Variants in FKBP5 observed in about 807,000 individuals in gnomAD.
FKBP5 encodes the protein peptidyl-prolyl cis-trans isomerase FKBP5.
In FKBP5, 23 loss-of-function variants were observed where a neutral mutation model predicts 50.5. The observed-to-expected ratio is 0.46, with a 90% CI of 0.33 to 0.65. The LOEUF (loss-of-function observed/expected upper bound fraction) is 0.65. Ranked by LOEUF, FKBP5 falls within the 30% of genes least tolerant of loss-of-function variation. FKBP5 has a pLI of 0.02. For synonymous variants in FKBP5, 176 were observed against 190.6 expected, an observed-to-expected ratio of 0.92 and a Z score of 0.63; for missense variants, 411 against 553.1, an observed-to-expected ratio of 0.74 and a Z score of 2.58.
chr6:35,631,903 G>A (rs965481678), intron 3 of FKBP5, among the ~76,000 whole-genome samples: 41 of 149,094 alleles, frequency 2.7e-4, no homozygotes, highest in African/African-American at 9.0e-4. Flanking sequence ...TGCAATGAGC[G>A]GAGATCACGC....
Position 35,620,175 on chromosome 6 carries a change from C to A in FKBP5, c.350G>T (p.Gly117Val), listed in dbSNP as rs1464180205. 1.9e-6 allele frequency: 3 copies of A among 1,614,134 alleles called. No homozygotes were observed. Among genetic ancestry groups the A allele is most frequent in the South Asian group, 2.2e-5 (2 of 91,076 alleles). ...CKPEYAYGSA[G>V]SLPKIPSNAT... ...ATTCGAGGGAATTTTAGGGAGACTGCCAGCCGAGCCATATGCATATTCTGG... is the reference window on the plus strand; with the variant it reads ...ATTCGAGGGAATTTTAGGGAGACTGACAGCCGAGCCATATGCATATTCTGG... The change falls in exon 4 of 11, where the codon GGC (glycine) becomes GTC (valine). Residue 117 changes from glycine (G) to valine (V), a missense_variant. Around this residue, in one of 3 missense-constraint regions of FKBP5, gnomAD observed 267 missense variants for 405.9 expected, o/e 0.66. Coordinates refer to ENST00000357266, the MANE Select transcript of FKBP5 (RefSeq NM_004117.4).
chr6:35,694,431 G>C (rs1432083036), intron 2 of FKBP5, among the ~76,000 whole-genome samples: 1 of 152,182 alleles, frequency 6.6e-6, no homozygotes, highest in African/African-American at 2.4e-5. Context: ...ATAAGTGTGA[G>C]CCACCACTCC....
chr6:35,586,348 A>G (rs1004136318), intron 8 of FKBP5: 1 of 985,338 alleles, frequency 1.0e-6, no homozygotes, highest in Non-Finnish European at 1.2e-6. Flanking sequence ...TCCTCATAAA[A>G]GCAAGTGTGC....
intron 5 of FKBP5, among the ~76,000 whole-genome samples, chr6:35,600,560 T>C (rs1490846380): frequency 6.6e-6 from 1 of 152,170 alleles, no homozygotes; most frequent in Non-Finnish European, 1.5e-5. Flanking sequence ...AAAAAAGATT[T>C]GCTGAGCAAA....
intron 5 of FKBP5, among the ~76,000 whole-genome samples, chr6:35,603,985 T>C (rs1210563394): frequency 6.6e-6 from 1 of 151,186 alleles, no homozygotes; most frequent in African/African-American, 2.4e-5. Flanking sequence ...GGATTACAGG[T>C]GTGAGCCACC....
At position 35,584,386 on chromosome 6, in the gene FKBP5, A is replaced by G. The variant is rs1316387496; in HGVS notation, c.840+2648T>C. ...TAAACCAAACCAACAGATCAATGGA[A>G]ACAGAATTCCAATATGCAGATGGCA... On this transcript the variant is annotated intron_variant, in intron 8 of 10. Transcript: ENST00000357266. 4 of 985,346 alleles carry G rather than the reference A, an allele frequency of 4.1e-6. No individual in the cohort carries two copies. In the East Asian group the frequency reaches 4.5e-4, roughly 112 times the overall value. 61.0% of individuals were successfully genotyped at this position (985,346 alleles called of 1,614,324 possible).
chr6:35,725,404 G>A (rs1354810744), intron 1 of FKBP5, among the ~76,000 whole-genome samples: 1 of 152,190 alleles, frequency 6.6e-6, no homozygotes, highest in African/African-American at 2.4e-5. Context: ...AACAAGGCTG[G>A]CAAGGGGAGA....
intron 1 of FKBP5, among the ~76,000 whole-genome samples, chr6:35,652,558 C>T (rs1037775988): frequency 2.6e-5 from 4 of 152,124 alleles, no homozygotes; most frequent in East Asian, 1.9e-4. Flanking sequence ...TCTCCCATAG[C>T]GCTCCCAGGC....
intron 1 of FKBP5, among the ~76,000 whole-genome samples, chr6:35,726,149 G>A (rs562771740): frequency 5.3e-5 from 8 of 152,342 alleles, no homozygotes; most frequent in Admixed American, 4.6e-4. Context: ...AGCCTGTAAG[G>A]GCTGCAAGAG....
intron 1 of FKBP5, among the ~76,000 whole-genome samples, chr6:35,687,569 C>T (rs1318015152): frequency 7.2e-5 from 11 of 152,158 alleles, no homozygotes; most frequent in Non-Finnish European, 4.4e-5. Context: ...TAACTTTTCC[C>T]TTGTCCACAA....
chr6:35,697,594 G>A (rs1466516723), intron 2 of FKBP5, among the ~76,000 whole-genome samples: 1 of 148,964 alleles, frequency 6.7e-6, no homozygotes, highest in Non-Finnish European at 1.5e-5. Flanking sequence ...GCTACAACAT[G>A]TATGAACCTT....
rs1290808995 is a variant in FKBP5, at chr6:35,688,895, C to G, written c.-111G>C. ...CCCGCCCAGCAGGCCGCCCGCGCGC[C>G]GGACACCGCCGCCCGAGACTGGCAG... is the stretch of plus-strand genomic sequence containing the variant. On this transcript the variant is annotated 5_prime_UTR_variant, in exon 1 of 11. Transcript: ENST00000357266. 3.3e-5 allele frequency: 5 copies of G among 151,472 alleles called. No homozygotes were observed. Among genetic ancestry groups the G allele is most frequent in the Non-Finnish European group, 7.3e-5 (5 of 68,074 alleles). The allele number at this position is 151,472 out of a possible 1,614,324, so 9.4% of individuals were successfully genotyped here. A position where few individuals can be genotyped will look rare whatever the true frequency, so the allele number is the denominator to read the frequency against.
upstream of FKBP5, among the ~76,000 whole-genome samples, chr6:35,689,156 C>T (rs916333990): frequency 2.0e-5 from 3 of 152,232 alleles, no homozygotes; most frequent in African/African-American, 7.2e-5. Context: ...GGCCCTTGCC[C>T]TTTGTGGGGG....
At chr6:35,672,148 G>A (rs555038141) in intron 1 of FKBP5, among the ~76,000 whole-genome samples, 1 of 152,210 alleles carries the variant, frequency 6.6e-6, no homozygotes, top group African/African-American at 2.4e-5. Context: ...GATTACAGGC[G>A]TGAGCGACCG....
At chr6:35,607,484 A>T (rs1270326024) in intron 5 of FKBP5, 1 of 152,400 alleles carries the variant, frequency 6.6e-6, no homozygotes, top group Non-Finnish European at 1.5e-5. Context: ...GATTACAGGC[A>T]TGAGCCACAC....
upstream of FKBP5, among the ~76,000 whole-genome samples, chr6:35,693,542 CAG>C (rs1453902470): frequency 7.0e-6 from 1 of 142,278 alleles, no homozygotes; most frequent in African/African-American, 2.6e-5. Context: ...TTTTTTGAGA[CAG>C]AGTCTTGCTC....
chr6:35,584,070 G>A (rs567566687), intron 8 of FKBP5: 4 of 985,400 alleles, frequency 4.1e-6, no homozygotes, highest in Admixed American at 6.1e-5. Flanking sequence ...TCAGAAAAAA[G>A]AAAAACACTG....
At chr6:35,586,332 G>A (rs925262247) in intron 8 of FKBP5, 36 of 984,978 alleles carry the variant, frequency 3.7e-5, no homozygotes, top group Non-Finnish European at 2.8e-5. Context: ...AGGAATATCC[G>A]GAGATTCCTC....
upstream of FKBP5, among the ~76,000 whole-genome samples, chr6:35,690,705 C>G (rs962733746): frequency 1.3e-5 from 2 of 152,098 alleles, no homozygotes; most frequent in African/African-American, 4.8e-5. Context: ...ATCTACTATG[C>G]TTAATAATAG....
Sources: allele counts gnomAD v4.1 joint callset (sites outside exome capture counted in the v4.1 genomes callset), GRCh38; gene constraint gnomAD v4.1.1; regional missense constraint gnomAD v4.1.1; transcripts MANE v1.5; gene names NCBI Gene and HGNC (gene_info 2026-07-23, HGNC 2026-07-21).